The following CFAP251 variants were observed in gnomAD, a reference collection of about 807,000 sequenced individuals.
CFAP251 encodes cilia and flagella associated protein 251, also known as cilia- and flagella-associated protein 251.
Under a neutral mutation model 126.7 loss-of-function variants are expected in CFAP251, and 93 were observed. That is an observed-to-expected ratio of 0.73 (90% CI 0.62 to 0.87). The LOEUF is 0.87. Ranked by LOEUF, CFAP251 falls within the 40% of genes least tolerant of loss-of-function variation. The pLI, the probability that CFAP251 is intolerant of heterozygous loss-of-function variation, is 0.00. For missense variants in CFAP251, 1,287 were observed against 1,389.2 expected (o/e 0.93, Z 1.17); for synonymous variants, 503 against 506.9 (o/e 0.99, Z 0.10).
intron 19 of CFAP251, among the ~76,000 whole-genome samples, chr12:121,996,296 A>T (rs1883020533): frequency 6.6e-6 from 1 of 152,174 alleles, no homozygotes; most frequent in Admixed American, 6.5e-5. Flanking sequence ...TTCTTTGTAA[A>T]ATTCCAAACC....
chr12:121,956,979 C>T, intron 10 of CFAP251, 95 bp from the exon 11 acceptor site: 8 of 979,452 alleles, frequency 8.2e-6, no homozygotes, highest in Non-Finnish European at 1.1e-5. Context: ...TTTTGCAATG[C>T]CCCAGAATCC....
At chr12:121,967,296 C>G (rs1233104410) in intron 16 of CFAP251, among the ~76,000 whole-genome samples, 1 of 152,246 alleles carries the variant, frequency 6.6e-6, no homozygotes, top group Non-Finnish European at 1.5e-5. Context: ...AGTGAAGATA[C>G]ATGGGCCACC....
At chr12:121,961,789 C>A (rs893492274) in intron 14 of CFAP251, among the ~76,000 whole-genome samples, 189 bp from the exon 15 acceptor site, 1 of 152,228 alleles carries the variant, frequency 6.6e-6, no homozygotes, top group African/African-American at 2.4e-5. Flanking sequence ...GTAGTGAATT[C>A]TCAGTACTGA....
At chr12:122,000,020 G>A in intron 20 of CFAP251, 76 bp downstream of exon 20, 1 of 1,324,670 alleles carries the variant, frequency 7.5e-7, no homozygotes, top group Non-Finnish European at 1.1e-6. Flanking sequence ...TGGGGAGCCA[G>A]CCCCTGTGGA....
At chr12:121,992,378 G>T (rs1444993188) in intron 19 of CFAP251, 55 of 985,228 alleles carry the variant, frequency 5.6e-5, no homozygotes, top group Non-Finnish European at 6.5e-5. Context: ...TCAGTCATAC[G>T]GGAAGAGAGA....
intron 5 of CFAP251, among the ~76,000 whole-genome samples, chr12:121,937,658 A>G (rs1880946218): frequency 6.6e-6 from 1 of 152,164 alleles, no homozygotes; most frequent in African/African-American, 2.4e-5. Context: ...AGAGTTCAAC[A>G]AGTGAGTCCA....
At chr12:121,923,600 G>GT in intron 2 of CFAP251, 22 bp from the exon 3 acceptor site, 1 of 1,584,458 alleles carries the variant, frequency 6.3e-7, no homozygotes. Flanking sequence ...ATGGAATCAT[G>GT]ATATTTTATT....
intron 19 of CFAP251, among the ~76,000 whole-genome samples, chr12:121,986,815 G>T (rs1199531795): frequency 6.6e-6 from 1 of 151,212 alleles, no homozygotes; most frequent in Non-Finnish European, 1.5e-5. Context: ...ATAAATAAAA[G>T]GCCGTTTCAT....
At chr12:121,992,461 T>G (rs1882897848) in intron 19 of CFAP251, 1 of 985,446 alleles carries the variant, frequency 1.0e-6, no homozygotes, top group Non-Finnish European at 1.2e-6. Context: ...TCTCTGGGTA[T>G]GAGTAACTCA....
chr12:121,941,330 C>CTT (rs68005842), intron 5 of CFAP251, among the ~76,000 whole-genome samples: 1,893 of 87,512 alleles, frequency 0.022, 83 homozygotes, highest in African/African-American at 0.042. Context: ...CCATGCTGGC[C>CTT]TTTTTTTTTT....
chr12:121,983,422 G>GTGTCTAA (rs1007190268), intron 19 of CFAP251, among the ~76,000 whole-genome samples: 8 of 150,834 alleles, frequency 5.3e-5, no homozygotes, highest in Non-Finnish European at 4.4e-5. Flanking sequence ...AGGTAAGGAA[G>GTGTCTAA]TGTCTAATTA....
chr12:121,960,163 C>T (rs1234025327), intron 13 of CFAP251, among the ~76,000 whole-genome samples: 3 of 152,032 alleles, frequency 2.0e-5, no homozygotes, highest in Non-Finnish European at 4.4e-5. Flanking sequence ...TAAACTAAAA[C>T]TAAAATGGAT....
chr12:121,998,244 C>T (rs887156231), intron 19 of CFAP251: 1 of 151,078 alleles, frequency 6.6e-6, no homozygotes. Flanking sequence ...GAAGCAGGGT[C>T]TTTTAATATG....
chr12:121,968,489 C>G (rs1882226574), intron 17 of CFAP251, among the ~76,000 whole-genome samples: 1 of 152,184 alleles, frequency 6.6e-6, no homozygotes, highest in African/African-American at 2.4e-5. Flanking sequence ...AAAGCATATA[C>G]TACGGAAATA....
chr12:121,919,434 C>T (rs1880066358), intron 1 of CFAP251, among the ~76,000 whole-genome samples: 1 of 152,142 alleles, frequency 6.6e-6, no homozygotes, highest in African/African-American at 2.4e-5. Context: ...TTTCTTTGCA[C>T]ATTAGGGTTG....
rs1352005828 is a variant in CFAP251, at chr12:121,942,909, G to C, written c.1125G>C (p.Trp375Cys). Residue 375 changes from tryptophan (W) to cysteine (C), a missense_variant, in exon 7 of 22, where the codon TGG becomes TGC. Transcript: ENST00000288912. ...SDAEVQKVCI[W>C]KWTLAVETPA... Reference sequence around the variant, plus strand: ...GTCACCTACAGAAGGTATGCATCTGGAAGTGGACTTTGGCAGTGGAAACGC... The same window carrying C: ...GTCACCTACAGAAGGTATGCATCTGCAAGTGGACTTTGGCAGTGGAAACGC... 1 of 1,614,190 alleles carries C rather than the reference G, an allele frequency of 6.2e-7. No homozygotes were observed. The highest frequency in any genetic ancestry group is 1.7e-5 in the Admixed American group (1 of 60,022).
chr12:121,957,235 A>G lies in CFAP251; in HGVS notation c.1697A>G (p.Asp566Gly), dbSNP rs773986469. 3.1e-6 allele frequency: 5 copies of G among 1,612,964 alleles called. No individual in the cohort carries two copies. In the South Asian group the frequency reaches 5.5e-5, roughly 18 times the overall value. Residue 566 changes from aspartate to glycine, a missense_variant, in exon 11 of 22, where the codon GAC (aspartate) becomes GGC (glycine). Transcript: ENST00000288912. ...PPTEKSNYPP[D>G]CTLKGDLFVL... ...ACTGAAAAATCAAACTATCCTCCTGACTGCACTTTAAAAGGTGACCTTTTT... is the reference window on the plus strand; with the variant it reads ...ACTGAAAAATCAAACTATCCTCCTGGCTGCACTTTAAAAGGTGACCTTTTT...
Position 121,969,665 on chromosome 12 carries a change from T to A in CFAP251, c.2771+1496T>A, listed in dbSNP as rs79372415. 496 of 870,628 alleles carry A rather than the reference T, an allele frequency of 5.7e-4. 1 individual carries two copies. In the African/African-American group the frequency reaches 8.7e-3, roughly 15 times the overall value. 53.9% of individuals were successfully genotyped at this position (870,628 alleles called of 1,614,324 possible). A position where few individuals can be genotyped will look rare whatever the true frequency, so the allele number is the denominator to read the frequency against. On this transcript the variant is annotated intron_variant, in intron 17 of 21. Transcript: ENST00000288912. ...TGTGCCTGGCTAACTTTAAAAAAAT[T>A]TTTTTTGTCGATACAGAGTCACACC...
intron 19 of CFAP251, chr12:121,999,381 T>C (rs529593886): frequency 3.0e-4 from 48 of 160,810 alleles, no homozygotes; most frequent in South Asian, 2.0e-3. Context: ...TATTCTTTTT[T>C]TTTCCCCCCG....
Sources: gnomAD v4.1 joint callset for allele counts (sites outside exome capture counted in the v4.1 genomes callset) on GRCh38, gnomAD v4.1.1 for gene constraint, MANE v1.5 for transcripts, NCBI Gene and HGNC (gene_info 2026-07-23, HGNC 2026-07-21) for gene names.